The following DHX37 variants were observed in gnomAD, a reference collection of about 807,000 sequenced individuals.
The protein encoded by DHX37 is probable ATP-dependent RNA helicase DHX37.
DHX37 carries 52 observed loss-of-function variants against 134.3 expected under a neutral mutation model. The observed-to-expected ratio is 0.39, with a 90% CI of 0.31 to 0.49. DHX37 has a LOEUF of 0.49. DHX37 is among the 20% of genes least tolerant of loss of function. DHX37 has a pLI of 0.93. For synonymous variants in DHX37, 634 were observed against 670.7 expected (o/e 0.95, Z 0.85); for missense variants, 1,344 against 1,580.8 (o/e 0.85, Z 2.54).
At chr12:124,955,993 T>C (rs940191766) in intron 18 of DHX37, among the ~76,000 whole-genome samples, 1 of 152,196 alleles carries the variant, frequency 6.6e-6, no homozygotes, top group African/African-American at 2.4e-5. Context: ...TTCCCCAGTG[T>C]CCACCTAACT....
intron 7 of DHX37, 21 bp downstream of exon 7, chr12:124,972,482 G>C (rs761550089): frequency 5.0e-6 from 8 of 1,613,658 alleles, no homozygotes; most frequent in Non-Finnish European, 5.9e-6. Context: ...CTTGCTCTGT[G>C]AGCCAGGATC....
chr12:124,975,987 C>T (rs1954632281), intron 5 of DHX37, among the ~76,000 whole-genome samples: 1 of 152,230 alleles, frequency 6.6e-6, no homozygotes, highest in Non-Finnish European at 1.5e-5. Flanking sequence ...GCCCACTGTG[C>T]CCAGCCTGTT....
chr12:124,965,796 T>C lies in DHX37; in HGVS notation c.1607A>G (p.Asn536Ser). The C allele has an allele frequency of 6.2e-7, 1 of 1,613,840 alleles. No individual in the cohort carries two copies. Among genetic ancestry groups the C allele is most frequent in the South Asian group, 1.1e-5 (1 of 90,986 alleles). Residue 536 changes from asparagine to serine, a missense_variant, in exon 13 of 27, where the codon AAC becomes AGC. Transcript: ENST00000308736. ...KARAEVLPQI[N>S]LDHYSVLPAG... ...CGGTAACACCGAGTAATGATCCAAG[T>C]TGATCTGGGGCAGCACCTACGGCGA...
chr12:124,984,467 A>T (rs776207036), intron 2 of DHX37, among the ~76,000 whole-genome samples: 2 of 152,160 alleles, frequency 1.3e-5, no homozygotes, highest in African/African-American at 4.8e-5. Context: ...CGGGAGGTGG[A>T]GGTTGCGGTG....
At position 124,966,890 on chromosome 12, in the gene DHX37, G is replaced by T. The variant is rs1347679781; in HGVS notation, c.1505-12C>A. 6.2e-7 allele frequency: 1 copy of T among 1,614,244 alleles called. No individual in the cohort carries two copies. The highest frequency in any genetic ancestry group is 2.2e-5 in the East Asian group (1 of 44,880). On this transcript the variant is annotated splice_polypyrimidine_tract_variant and intron_variant, in intron 11 of 26. Coordinates refer to ENST00000308736, the MANE Select transcript of DHX37 (RefSeq NM_032656.4). ...ATCGTCGTCCTTTTCTGGGAGAGGG[G>T]CAGGTTGGGGAGAAAGGCGTCTGTG...
Position 124,947,268 on chromosome 12 carries a change from G to A in DHX37, c.*534C>T, listed in dbSNP as rs58893408. On this transcript the variant is annotated 3_prime_UTR_variant, in exon 27 of 27. Coordinates refer to ENST00000308736, the MANE Select transcript of DHX37 (RefSeq NM_032656.4). Reference sequence around the variant, plus strand: ...GCCATAACACAGGAAAGGCGTTGGCGGCCACCCTCCCAAGAAGGCATGGAG... The same window carrying A: ...GCCATAACACAGGAAAGGCGTTGGCAGCCACCCTCCCAAGAAGGCATGGAG... 1,510 of 152,664 alleles carry A rather than the reference G, an allele frequency of 9.9e-3. 29 individuals carry two copies. Among genetic ancestry groups the A allele is most frequent in the African/African-American group, 0.034 (1,418 of 41,588 alleles). 9.5% of individuals were successfully genotyped at this position (152,664 alleles called of 1,614,324 possible). A position where few individuals can be genotyped will look rare whatever the true frequency, so the allele number is the denominator to read the frequency against.
At chr12:124,976,359 G>A (rs760650891) in intron 5 of DHX37, among the ~76,000 whole-genome samples, 1 of 152,252 alleles carries the variant, frequency 6.6e-6, no homozygotes, top group Non-Finnish European at 1.5e-5. Context: ...CCTGAGCATG[G>A]TCTTGGGGAC....
In DHX37 at chr12:124,963,024, C is replaced by G. The variant is rs557859578; in HGVS notation, c.2045+1370G>C. On this transcript the variant is annotated intron_variant, in intron 15 of 26. Transcript: ENST00000308736. ...GGTTCCACTGCAAGAGCAATGAAAC[C>G]GGAGCCAGACAAATCCTTGCACCTG... is the stretch of plus-strand genomic sequence containing the variant. 7.9e-5 allele frequency among the ~76,000 whole-genome samples: 12 copies of G among 152,282 alleles called. 1 individual carries two copies. In the South Asian group the frequency reaches 2.3e-3, roughly 29 times the overall value.
Position 124,965,651 on chromosome 12 carries a change from C to G in DHX37, c.1735+17G>C. On this transcript the variant is annotated intron_variant, in intron 13 of 26. Transcript: ENST00000308736. Reference sequence around the variant, plus strand: ...AGAGATAATGAACATGAGCAGGAATCGGTGCTCGGGCCACACCTCCATCTT... The same window carrying G: ...AGAGATAATGAACATGAGCAGGAATGGGTGCTCGGGCCACACCTCCATCTT... The G allele has an allele frequency of 1.3e-6, 2 of 1,587,914 alleles. No individual in the cohort carries two copies. The highest frequency in any genetic ancestry group is 1.7e-6 in the Non-Finnish European group (2 of 1,164,478).
intron 5 of DHX37, among the ~76,000 whole-genome samples, chr12:124,976,517 G>T (rs1177134438): frequency 6.6e-6 from 1 of 152,046 alleles, no homozygotes; most frequent in East Asian, 1.9e-4. Flanking sequence ...TTCAAGACCA[G>T]CCTGACCAAC....
Position 124,968,940 on chromosome 12 carries a change from A to G in DHX37, c.1220T>C (p.Met407Thr). 1 of 1,614,144 alleles carries G rather than the reference A, an allele frequency of 6.2e-7. No homozygotes were observed. The highest frequency in any genetic ancestry group is 8.5e-7 in the Non-Finnish European group (1 of 1,180,030). ...KRNLPLKLLI[M>T]SATLRVEDFT... ...GTCCTCCACCCGCAGCGTGGCCGACATGATGAGCAGCTTGAGTGGCAGGTT... is the reference window on the plus strand; with the variant it reads ...GTCCTCCACCCGCAGCGTGGCCGACGTGATGAGCAGCTTGAGTGGCAGGTT... Residue 407 changes from methionine to threonine, a missense_variant, in exon 9 of 27, where the codon ATG becomes ACG. By Grantham distance (81) the Met-to-Thr change is moderately conservative. Transcript: ENST00000308736.
At chr12:124,960,897 G>T (rs1319554601) in intron 15 of DHX37, among the ~76,000 whole-genome samples, 1 of 152,236 alleles carries the variant, frequency 6.6e-6, no homozygotes, top group African/African-American at 2.4e-5. Flanking sequence ...AAAGGTTGGG[G>T]TGAGCCAGAT....
rs541334918 is a variant in DHX37 at position 124,947,649 on chromosome 12, C to A, written c.*153G>T. ...GGCGGCAGCACCCTTCATACGGGAT[C>A]GAGCTCTCATGGATGAGGGTTCCCA... is the stretch of plus-strand genomic sequence containing the variant. On this transcript the variant is annotated 3_prime_UTR_variant, in exon 27 of 27. Coordinates refer to ENST00000308736, the MANE Select transcript of DHX37 (RefSeq NM_032656.4). 9.8e-7 allele frequency: 1 copy of A among 1,024,826 alleles called. No individual in the cohort carries two copies. The highest frequency in any genetic ancestry group is 1.6e-5 in the African/African-American group (1 of 62,052). The allele number at this position is 1,024,826 out of a possible 1,614,324, so 63.5% of individuals were successfully genotyped here. A position where few individuals can be genotyped will look rare whatever the true frequency, so the allele number is the denominator to read the frequency against.
intron 5 of DHX37, among the ~76,000 whole-genome samples, chr12:124,975,977 G>A (rs371729235): frequency 6.6e-6 from 1 of 152,222 alleles, no homozygotes; most frequent in African/African-American, 2.4e-5. Context: ...TAAGTGCGGG[G>A]CCCACTGTGC....
intron 6 of DHX37, among the ~76,000 whole-genome samples, chr12:124,973,046 G>A (rs1435431262): frequency 6.6e-6 from 1 of 152,254 alleles, no homozygotes; most frequent in Non-Finnish European, 1.5e-5. Context: ...GGAGGCTGAG[G>A]TGGGAGAATT....
At position 124,963,224 on chromosome 12, in the gene DHX37, G is replaced by A. The variant is rs1023671199; in HGVS notation, c.2045+1170C>T. 6.6e-5 allele frequency among the ~76,000 whole-genome samples: 10 copies of A among 152,342 alleles called. No individual in the cohort carries two copies. In the East Asian group the frequency reaches 7.7e-4, roughly 12 times the overall value. On this transcript the variant is annotated intron_variant, in intron 15 of 26. Coordinates refer to ENST00000308736, the MANE Select transcript of DHX37 (RefSeq NM_032656.4). Reference sequence around the variant, plus strand: ...CCGGGGTGAGCCTTGAAAACTCACCGTGCTGAGCGGCAGAGGCCAGACACG... The same window carrying A: ...CCGGGGTGAGCCTTGAAAACTCACCATGCTGAGCGGCAGAGGCCAGACACG...
At chr12:124,961,430 G>T (rs996234249) in intron 15 of DHX37, among the ~76,000 whole-genome samples, 1 of 152,110 alleles carries the variant, frequency 6.6e-6, no homozygotes, top group African/African-American at 2.4e-5. Context: ...ATTATATAAA[G>T]AACTTTTTTT....
At chr12:124,953,523 G>A (rs899398559) in intron 20 of DHX37, 7 of 274,874 alleles carry the variant, frequency 2.5e-5, no homozygotes, top group African/African-American at 1.5e-4. Context: ...AGAGTCCAGG[G>A]CAAGGCCTCA....
At chr12:124,961,209 TGCAC>T (rs1234889673) in intron 15 of DHX37, among the ~76,000 whole-genome samples, 2 of 76,966 alleles carry the variant, frequency 2.6e-5, no homozygotes, top group Non-Finnish European at 5.6e-5. Flanking sequence ...CATACACGTG[TGCAC>T]GCACGCACAC....
Sources: allele counts gnomAD v4.1 joint callset (sites outside exome capture counted in the v4.1 genomes callset), GRCh38; gene constraint gnomAD v4.1.1; transcripts MANE v1.5; gene names NCBI Gene and HGNC (gene_info 2026-07-23, HGNC 2026-07-21).